BCAS3: variants seen among roughly 807,000 people sequenced by gnomAD.
BCAS3 encodes BCAS4/BCAS3 fusion.
BCAS3 carries 53 observed loss-of-function variants against 116.1 expected under a neutral mutation model. The observed-to-expected ratio is 0.46, with a 90% CI of 0.37 to 0.57. The LOEUF is 0.57. Ranked by LOEUF, BCAS3 falls within the 20% of genes least tolerant of loss-of-function variation. BCAS3 has a pLI of 0.00. For missense variants in BCAS3, 917 were observed against 1,165.4 expected, an observed-to-expected ratio of 0.79 and a Z score of 3.10; for synonymous variants, 391 against 408.2, an observed-to-expected ratio of 0.96 and a Z score of 0.51.
chr17:60,763,005 C>T (rs142382323), intron 6 of BCAS3, among the ~76,000 whole-genome samples: 41,648 of 151,596 alleles, frequency 0.27, 11,429 homozygotes, highest in African/African-American at 0.71. Context: ...TTATGTGTTA[C>T]TGGTGTATAA....
intron 4 of BCAS3, among the ~76,000 whole-genome samples, chr17:60,707,979 TG>T (rs2037382252): frequency 6.6e-6 from 1 of 152,174 alleles, no homozygotes; most frequent in Admixed American, 6.6e-5. Context: ...AGTCTGGTTT[TG>T]GTTGCCTCAG....
At chr17:60,700,205 G>C (rs1189208555) in intron 4 of BCAS3, among the ~76,000 whole-genome samples, 1 of 149,718 alleles carries the variant, frequency 6.7e-6, no homozygotes, top group Non-Finnish European at 1.5e-5. Flanking sequence ...CAACTCTTAC[G>C]TGAAGTTTGG....
Position 60,859,627 on chromosome 17 carries a change from G to T in BCAS3, c.477-8949G>T, listed in dbSNP as rs560082830. 2.7e-5 allele frequency among the ~76,000 whole-genome samples: 4 copies of T among 150,722 alleles called. No homozygotes were observed. The East Asian group carries it at 7.8e-4, about 29-fold the overall frequency. ...CCTGTCGCACAGACTGGAGTGCAGT[G>T]GTGTGATCTCAGCTCACTGCAACCT... is the stretch of plus-strand genomic sequence containing the variant. On this transcript the variant is annotated intron_variant, in intron 7 of 23. Transcript: ENST00000407086.
Position 61,313,961 on chromosome 17 carries a change from A to G in BCAS3, c.2426-54366A>G, listed in dbSNP as rs1186304229. Among the ~76,000 whole-genome samples, 1 of 152,246 alleles carries G rather than the reference A, an allele frequency of 6.6e-6. No individual in the cohort carries two copies. Among genetic ancestry groups the G allele is most frequent in the Non-Finnish European group, 1.5e-5 (1 of 68,034 alleles). On this transcript the variant is annotated intron_variant, in intron 22 of 23. Coordinates refer to ENST00000407086, the MANE Select transcript of BCAS3 (RefSeq NM_017679.5). This position sits in a 1 kb window ranked among gnomAD's most constrained non-coding sequence, Gnocchi z 4.3. ...CTCGTGGGGGAAGCCGGCTGGCAGCACACAGGCCATTCCTCTTTTCCATTC... is the reference window on the plus strand; with the variant it reads ...CTCGTGGGGGAAGCCGGCTGGCAGCGCACAGGCCATTCCTCTTTTCCATTC...
chr17:60,684,089 A>G, intron 3 of BCAS3, 53 bp downstream of exon 3: 1 of 1,555,742 alleles, frequency 6.4e-7, no homozygotes, highest in South Asian at 1.1e-5. Flanking sequence ...GAGCTCTGAA[A>G]TGTTTGGTTT....
chr17:60,809,741 A>G (rs2048622104), intron 7 of BCAS3, among the ~76,000 whole-genome samples: 1 of 152,226 alleles, frequency 6.6e-6, no homozygotes, highest in Non-Finnish European at 1.5e-5. Context: ...GGAGCCATGA[A>G]AAAGGGTCCA....
At chr17:60,991,612 A>G (rs2063530881) in intron 15 of BCAS3, among the ~76,000 whole-genome samples, 1 of 152,200 alleles carries the variant, frequency 6.6e-6, no homozygotes, top group African/African-American at 2.4e-5. Context: ...TTACCACAGA[A>G]AGTCATTGTT....
chr17:60,910,117 A>G (rs1483639880), intron 11 of BCAS3, among the ~76,000 whole-genome samples: 1 of 152,232 alleles, frequency 6.6e-6, no homozygotes, highest in Non-Finnish European at 1.5e-5. Context: ...AAATAGGTAT[A>G]CAATTAGAGT....
intron 5 of BCAS3, among the ~76,000 whole-genome samples, chr17:60,742,975 TG>T (rs1302919700): frequency 2.0e-5 from 3 of 151,324 alleles, no homozygotes; most frequent in African/African-American, 7.3e-5. Context: ...TAGCCGGGCA[TG>T]GTGGCACGTG....
chr17:61,270,112 ATTTTTTTTTTTTTTTT>A (rs1202865412), intron 22 of BCAS3, among the ~76,000 whole-genome samples: 3 of 68,814 alleles, frequency 4.4e-5, no homozygotes, highest in Non-Finnish European at 8.2e-5. Context: ...GCCTTCTGCC[ATTTTTTTTTTTTTTTT>A]TTTTTTTTTG....
rs1311688144 is a variant in BCAS3, at chr17:61,361,459, T to C, written c.2426-6868T>C. Among the ~76,000 whole-genome samples the C allele has an allele frequency of 1.3e-5, 2 of 152,148 alleles. No individual in the cohort carries two copies. The highest frequency in any genetic ancestry group is 2.9e-5 in the Non-Finnish European group (2 of 68,016). ...CATGCGATATGATACACATAATATATAACATAATATAATATCTGATCTATA... is the reference window on the plus strand; with the variant it reads ...CATGCGATATGATACACATAATATACAACATAATATAATATCTGATCTATA... On this transcript the variant is annotated intron_variant, in intron 22 of 23. Coordinates refer to ENST00000407086, the MANE Select transcript of BCAS3 (RefSeq NM_017679.5). This position sits in a 1 kb window ranked among gnomAD's most constrained non-coding sequence, Gnocchi z 6.5.
Position 61,391,748 on chromosome 17 carries a change from G to A in BCAS3, c.2594-229G>A, listed in dbSNP as rs908219903. The A allele has an allele frequency of 1.3e-5, 7 of 555,476 alleles. No individual in the cohort carries two copies. Among genetic ancestry groups the A allele is most frequent in the African/African-American group, 7.6e-5 (4 of 52,484 alleles). 34.4% of individuals were successfully genotyped at this position (555,476 alleles called of 1,614,324 possible). ...AAAGGGCTTCCCGCAGCAGGGAGAC[G>A]GTGCTCTCACACCAGAGTCTGCCAG... On this transcript the variant is annotated intron_variant, in intron 23 of 23. Transcript: ENST00000407086. This position sits in a 1 kb window ranked among gnomAD's most constrained non-coding sequence, Gnocchi z 7.7.
intron 5 of BCAS3, among the ~76,000 whole-genome samples, chr17:60,739,081 T>C (rs2041265231): frequency 6.6e-6 from 1 of 152,216 alleles, no homozygotes; most frequent in African/African-American, 2.4e-5. Context: ...AATACATTTA[T>C]AACCAATGCA....
intron 6 of BCAS3, among the ~76,000 whole-genome samples, chr17:60,759,192 G>T (rs1197166812): frequency 6.6e-6 from 1 of 152,240 alleles, no homozygotes; most frequent in African/African-American, 2.4e-5. Context: ...CAGGCTGGAA[G>T]ATTTCAGTTT....
chr17:61,210,292 G>A (rs1193226631), intron 22 of BCAS3, among the ~76,000 whole-genome samples: 1 of 152,192 alleles, frequency 6.6e-6, no homozygotes, highest in African/African-American at 2.4e-5. Flanking sequence ...TATCTCCTGA[G>A]GGGTGAAGTA....
In BCAS3 at chr17:61,248,875, A is replaced by AC. The variant is rs1483409612; in HGVS notation, c.2426-119451dup. ...TTGGAGTATCTTAAAGAAGTAGTAT[A>AC]CTGTCAAATACTTATAAAACTTCCT... On this transcript the variant is annotated intron_variant, in intron 22 of 23. Coordinates refer to ENST00000407086, the MANE Select transcript of BCAS3 (RefSeq NM_017679.5). The surrounding 1 kb of genome is among the most constrained non-coding windows in gnomAD (Gnocchi z 4.3). 6.6e-6 allele frequency among the ~76,000 whole-genome samples: 1 copy of AC among 152,244 alleles called. No individual in the cohort carries two copies. The highest frequency in any genetic ancestry group is 2.4e-5 in the African/African-American group (1 of 41,464).
chr17:61,160,214 T>TG (rs1230808971), intron 22 of BCAS3, among the ~76,000 whole-genome samples: 5 of 151,680 alleles, frequency 3.3e-5, no homozygotes, highest in Admixed American at 3.3e-4. Flanking sequence ...TTGCATGTTA[T>TG]GGTGACCTGA....
intron 22 of BCAS3, among the ~76,000 whole-genome samples, chr17:61,108,609 T>TG: frequency 6.6e-6 from 1 of 151,288 alleles, no homozygotes; most frequent in East Asian, 1.9e-4. Context: ...TAGTGGTTTT[T>TG]TTTTTTTTTA....
intron 7 of BCAS3, among the ~76,000 whole-genome samples, chr17:60,845,826 A>G (rs2052473006): frequency 7.7e-6 from 1 of 129,908 alleles, no homozygotes; most frequent in South Asian, 2.3e-4. Context: ...ACAAAGTCTC[A>G]CTTTGTCATA....
Sources: gnomAD v4.1 joint callset for allele counts (sites outside exome capture counted in the v4.1 genomes callset) on GRCh38, gnomAD v4.1.1 for gene constraint, Gnocchi (gnomAD v3.1) non-coding constraint, MANE v1.5 for transcripts, NCBI Gene and HGNC (gene_info 2026-07-23, HGNC 2026-07-21) for gene names.